Variants in LDLRAP1 observed in about 807,000 individuals in gnomAD.
LDLRAP1 encodes the protein low density lipoprotein receptor adapter protein 1.
In LDLRAP1, 30 loss-of-function variants were observed where a neutral mutation model predicts 37.8. The ratio of observed to expected loss-of-function variants is 0.79; its 90% CI spans 0.59 to 1.08. The LOEUF is 1.08. Ranked by LOEUF, LDLRAP1 falls within the 50% of genes least tolerant of loss-of-function variation. LDLRAP1 has a pLI of 0.00. For missense variants in LDLRAP1, 375 were observed against 401.6 expected, an observed-to-expected ratio of 0.93 and a Z score of 0.57; for synonymous variants, 156 against 169.8, an observed-to-expected ratio of 0.92 and a Z score of 0.63.
intron 4 of LDLRAP1, among the ~76,000 whole-genome samples, chr1:25,558,101 TTGGGGGCAAGAAGTGGAG>T (rs1443691971): frequency 2.0e-5 from 3 of 152,086 alleles, no homozygotes; most frequent in Non-Finnish European, 4.4e-5. Flanking sequence ...TGTCCTGAAT[TTGGGGGCAAGAAGTGGAG>T]TGGGTCAACC....
the LDLRAP1 span, among the ~76,000 whole-genome samples, chr1:25,579,728 C>T: frequency 3.9e-5 from 6 of 152,202 alleles, no homozygotes; most frequent in Non-Finnish European, 8.8e-5. Flanking sequence ...CCTCGAAGCT[C>T]TGCCTTCAAT....
At chr1:25,582,315 G>GCA in the LDLRAP1 span, among the ~76,000 whole-genome samples, 2 of 152,250 alleles carry the variant, frequency 1.3e-5, no homozygotes, top group Admixed American at 6.5e-5. Context: ...GTCTGGGCGT[G>GCA]GTGGCTCACG....
At chr1:25,580,495 T>A in the LDLRAP1 span, among the ~76,000 whole-genome samples, 1 of 152,182 alleles carries the variant, frequency 6.6e-6, no homozygotes, top group African/African-American at 2.4e-5. Flanking sequence ...GGCTTCATTA[T>A]CTCAATTTAA....
At chr1:25,577,357 C>G in the LDLRAP1 span, among the ~76,000 whole-genome samples, 1 of 152,062 alleles carries the variant, frequency 6.6e-6, no homozygotes, top group Non-Finnish European at 1.5e-5. Context: ...AGGGGACGTG[C>G]CAGGACCACC....
chr1:25,579,101 T>C, the LDLRAP1 span, among the ~76,000 whole-genome samples: 2 of 152,178 alleles, frequency 1.3e-5, no homozygotes, highest in African/African-American at 2.4e-5. Flanking sequence ...CGCTTGTCGA[T>C]TTCCTAGTAT....
At chr1:25,589,129 C>T in the LDLRAP1 span, among the ~76,000 whole-genome samples, 9 of 152,226 alleles carry the variant, frequency 5.9e-5, no homozygotes, top group East Asian at 1.7e-3. Flanking sequence ...CATGACAAAA[C>T]CCCGTCTCTA....
At chr1:25,556,203 G>T (rs1407978458) in intron 3 of LDLRAP1, among the ~76,000 whole-genome samples, 1 of 152,232 alleles carries the variant, frequency 6.6e-6, no homozygotes, top group East Asian at 1.9e-4. Context: ...TCTGGGTTGA[G>T]GGGTGAGTCT....
chr1:25,582,353 A>G, the LDLRAP1 span, among the ~76,000 whole-genome samples: 85 of 151,960 alleles, frequency 5.6e-4, no homozygotes, highest in East Asian at 5.1e-3. Context: ...TTGGGAGGCC[A>G]AGGCGGGCAG....
rs72873738 is a variant in LDLRAP1, at chr1:25,555,309, C to T, written c.344+337C>T. Among the ~76,000 whole-genome samples, 7,081 of 152,304 alleles carry T rather than the reference C, an allele frequency of 0.046. 403 individuals are homozygous for T. The highest frequency in any genetic ancestry group is 0.13 in the African/African-American group (5,426 of 41,562). ...GGCTTGGAGCAGAGAACTGCAGAGTCACTGCCTTTTCCTTCTGCTGTGAAT... is the reference window on the plus strand; with the variant it reads ...GGCTTGGAGCAGAGAACTGCAGAGTTACTGCCTTTTCCTTCTGCTGTGAAT... On this transcript the variant is annotated intron_variant, in intron 3 of 8. Coordinates refer to ENST00000374338, the MANE Select transcript of LDLRAP1 (RefSeq NM_015627.3). The surrounding 1 kb of genome is among the most constrained non-coding windows in gnomAD (Gnocchi z 4.7).
Position 25,567,110 on chromosome 1 carries a change from G to A in LDLRAP1, c.*118G>A. Reference sequence around the variant, plus strand: ...CCTCTCCCAGCCCTCAGCATTGTCAGCCTGAAGATCAGAGCTGCAGCCAGT... The same window carrying A: ...CCTCTCCCAGCCCTCAGCATTGTCAACCTGAAGATCAGAGCTGCAGCCAGT... On this transcript the variant is annotated 3_prime_UTR_variant, in exon 9 of 9. Coordinates refer to ENST00000374338, the MANE Select transcript of LDLRAP1 (RefSeq NM_015627.3). The A allele has an allele frequency of 7.7e-7, 1 of 1,301,172 alleles. No homozygotes were observed. The highest frequency in any genetic ancestry group is 1.1e-6 in the Non-Finnish European group (1 of 921,720). The allele number at this position is 1,301,172 out of a possible 1,614,324, so 80.6% of individuals were successfully genotyped here. A position where few individuals can be genotyped will look rare whatever the true frequency, so the allele number is the denominator to read the frequency against.
At chr1:25,562,746 G>A (rs1372874798) in intron 5 of LDLRAP1, 30 bp downstream of exon 5, 1 of 1,595,530 alleles carries the variant, frequency 6.3e-7, no homozygotes. Flanking sequence ...TTGTGGGTGT[G>A]GTGGGAGGTG....
chr1:25,554,246 C>A lies in LDLRAP1; in HGVS notation c.231+182C>A, dbSNP rs531226915. Among the ~76,000 whole-genome samples, 1 of 152,246 alleles carries A rather than the reference C, an allele frequency of 6.6e-6. No homozygotes were observed. Among genetic ancestry groups the A allele is most frequent in the South Asian group, 2.1e-4 (1 of 4,826 alleles). On this transcript the variant is annotated intron_variant, in intron 2 of 8. Transcript: ENST00000374338. This position sits in a 1 kb window ranked among gnomAD's most constrained non-coding sequence, Gnocchi z 5.4. ...GGGAACCATTGGACTTGCAAGGTCACGGTTAGTGGCTTCCCTCCAGCCATT... is the reference window on the plus strand; with the variant it reads ...GGGAACCATTGGACTTGCAAGGTCAAGGTTAGTGGCTTCCCTCCAGCCATT...
At chr1:25,575,423 T>TAAAAAAAAAA in the LDLRAP1 span, among the ~76,000 whole-genome samples, 18 of 108,750 alleles carry the variant, frequency 1.7e-4, no homozygotes, top group African/African-American at 1.9e-4. Flanking sequence ...CTGTCTCTAC[T>TAAAAAAAAAA]AAAAAAAAAA....
chr1:25,581,197 T>G, the LDLRAP1 span, among the ~76,000 whole-genome samples: 1 of 152,186 alleles, frequency 6.6e-6, no homozygotes, highest in Non-Finnish European at 1.5e-5. Flanking sequence ...ATGGGCATTC[T>G]GTCGTGATGC....
chr1:25,551,355 T>C (rs971775918), intron 1 of LDLRAP1, among the ~76,000 whole-genome samples: 6 of 152,052 alleles, frequency 3.9e-5, no homozygotes, highest in Admixed American at 3.3e-4. Context: ...AGAATTAAGG[T>C]AGTTTGCTGC....
At chr1:25,551,051 G>C (rs1268850375) in intron 1 of LDLRAP1, among the ~76,000 whole-genome samples, 1 of 152,184 alleles carries the variant, frequency 6.6e-6, no homozygotes, top group African/African-American at 2.4e-5. Context: ...GCCAGGGGTA[G>C]GGATGGATAA....
the LDLRAP1 span, among the ~76,000 whole-genome samples, chr1:25,575,693 C>T: frequency 3.3e-5 from 5 of 152,120 alleles, no homozygotes; most frequent in African/African-American, 4.8e-5. Context: ...TCTGTAGAGG[C>T]GGGACCGGCG....
the LDLRAP1 span, among the ~76,000 whole-genome samples, chr1:25,585,042 G>C: frequency 6.6e-6 from 1 of 152,214 alleles, no homozygotes; most frequent in Non-Finnish European, 1.5e-5. Context: ...CCCAAAGCAA[G>C]AAGCAGTGTG....
In LDLRAP1 at chr1:25,555,283, G is replaced by A. The variant is rs1281497600; in HGVS notation, c.344+311G>A. ...CTCCCCACCAGCATGCCGCTGAGTC[G>A]GGCTTGGAGCAGAGAACTGCAGAGT... is the stretch of plus-strand genomic sequence containing the variant. On this transcript the variant is annotated intron_variant, in intron 3 of 8. Coordinates refer to ENST00000374338, the MANE Select transcript of LDLRAP1 (RefSeq NM_015627.3). The surrounding 1 kb of genome is among the most constrained non-coding windows in gnomAD (Gnocchi z 4.7). Among the ~76,000 whole-genome samples the A allele has an allele frequency of 1.3e-5, 2 of 152,212 alleles. No individual in the cohort carries two copies. The highest frequency in any genetic ancestry group is 4.8e-5 in the African/African-American group (2 of 41,458).
Sources: gnomAD v4.1 joint callset for allele counts (sites outside exome capture counted in the v4.1 genomes callset) on GRCh38, gnomAD v4.1.1 for gene constraint, Gnocchi (gnomAD v3.1) non-coding constraint, MANE v1.5 for transcripts, NCBI Gene and HGNC (gene_info 2026-07-23, HGNC 2026-07-21) for gene names.